ANK3: variants seen among roughly 807,000 people sequenced by gnomAD.
ANK3 encodes the protein ankyrin-3.
In ANK3, 57 loss-of-function variants were observed where a neutral mutation model predicts 370.9. The ratio of observed to expected loss-of-function variants is 0.15; its 90% CI spans 0.12 to 0.19. The LOEUF (loss-of-function observed/expected upper bound fraction) is 0.19, where lower values mean the gene tolerates loss of function less well. Among genes scored for constraint, ANK3 ranks in the 10% least tolerant of loss-of-function variants. The pLI is 1.00. For missense variants in ANK3, 4,439 were observed against 5,302.1 expected (o/e 0.84, Z 5.06); for synonymous variants, 1,929 against 1,946.3 (o/e 0.99, Z 0.23).
intron 17 of ANK3, 197 bp downstream of exon 17, chr10:60,186,518 T>C (rs918914947): frequency 1.3e-5 from 9 of 669,766 alleles, no homozygotes; most frequent in South Asian, 4.5e-5. Flanking sequence ...AACTGGCGCA[T>C]TGACCATTTT....
At chr10:60,105,608 C>G (rs2092057444) in intron 28 of ANK3, among the ~76,000 whole-genome samples, 1 of 152,254 alleles carries the variant, frequency 6.6e-6, no homozygotes, top group African/African-American at 2.4e-5. Flanking sequence ...TATTATTTCA[C>G]CCTCTTCTTG....
At chr10:60,519,560 T>C (rs568054639) in intron 2 of ANK3, among the ~76,000 whole-genome samples, 1 of 152,286 alleles carries the variant, frequency 6.6e-6, no homozygotes, top group African/African-American at 2.4e-5. Context: ...TCACTCTAAA[T>C]TCTGATAACC....
intron 2 of ANK3, among the ~76,000 whole-genome samples, chr10:60,497,252 C>T (rs922680368): frequency 9.2e-5 from 14 of 152,110 alleles, no homozygotes; most frequent in African/African-American, 3.4e-4. Flanking sequence ...CTGCAGTGAA[C>T]ACTTCAGCCT....
chr10:60,240,295 TATATA>T lies in ANK3; in HGVS notation c.799-5514_799-5510del, dbSNP rs1474439613. 7.7e-5 allele frequency among the ~76,000 whole-genome samples: 8 copies of T among 103,406 alleles called. No individual in the cohort carries two copies. In the East Asian group the frequency reaches 2.1e-3, roughly 27 times the overall value. 67.8% of individuals were successfully genotyped at this position (103,406 alleles called of 152,430 possible). A position where few individuals can be genotyped will look rare whatever the true frequency, so the allele number is the denominator to read the frequency against. On this transcript the variant is annotated intron_variant, in intron 7 of 43. Transcript: ENST00000280772. The stretch of plus-strand genomic sequence containing the variant: ...ATACACACACACATATATATATATA[TATATA>T]TATATATTTTTTTTTCTTTTTGAGA...
intron 1 of ANK3, among the ~76,000 whole-genome samples, chr10:60,687,557 CACA>C (rs1195935030): frequency 2.7e-5 from 4 of 150,378 alleles, no homozygotes; most frequent in South Asian, 4.2e-4. Flanking sequence ...CACACACATG[CACA>C]ACAAGCATTG....
chr10:60,272,471 G>C (rs944343258), intron 4 of ANK3, among the ~76,000 whole-genome samples: 2 of 97,324 alleles, frequency 2.1e-5, no homozygotes, highest in East Asian at 2.9e-4. Context: ...TGTTGTTGTT[G>C]TTGTTCTTGT....
intron 2 of ANK3, among the ~76,000 whole-genome samples, chr10:60,492,379 T>C (rs75017287): frequency 0.12 from 18,737 of 151,934 alleles, 1,303 homozygotes; most frequent in African/African-American, 0.18. Flanking sequence ...GACATAAAAG[T>C]AAATGAAACA....
upstream of ANK3, among the ~76,000 whole-genome samples, chr10:60,391,277 T>C (rs1286743485): frequency 6.6e-6 from 1 of 152,178 alleles, no homozygotes; most frequent in Non-Finnish European, 1.5e-5. Flanking sequence ...ATGCTTGACT[T>C]CCACACAAAC....
chr10:60,172,276 T>C, intron 21 of ANK3, 32 bp downstream of exon 21: 1 of 1,571,468 alleles, frequency 6.4e-7, no homozygotes, highest in Non-Finnish European at 8.7e-7. Flanking sequence ...AGCTGGCTCC[T>C]AGGGTAACAA....
At chr10:60,065,480 A>G (rs1171887021) in intron 38 of ANK3, among the ~76,000 whole-genome samples, 1 of 152,204 alleles carries the variant, frequency 6.6e-6, no homozygotes, top group Admixed American at 6.5e-5. Context: ...TGCAAAATGC[A>G]TTCAGAGGCT....
chr10:60,677,114 AGG>A (rs2079135548), intron 1 of ANK3, among the ~76,000 whole-genome samples: 1 of 152,188 alleles, frequency 6.6e-6, no homozygotes, highest in Non-Finnish European at 1.5e-5. Context: ...CCCAGAGCAG[AGG>A]GTGGCCAAGA....
At chr10:60,711,278 A>C (rs2079701568) in intron 1 of ANK3, among the ~76,000 whole-genome samples, 1 of 152,194 alleles carries the variant, frequency 6.6e-6, no homozygotes, top group Non-Finnish European at 1.5e-5. Context: ...CCATGATTGG[A>C]TTATTACACA....
chr10:60,444,269 C>T (rs1056491721), intron 2 of ANK3, among the ~76,000 whole-genome samples: 3 of 151,838 alleles, frequency 2.0e-5, no homozygotes, highest in Non-Finnish European at 4.4e-5. Flanking sequence ...CTGAATAATT[C>T]TGAGGTTAAA....
intron 1 of ANK3, among the ~76,000 whole-genome samples, chr10:60,639,428 T>A (rs1173632092): frequency 6.6e-6 from 1 of 151,268 alleles, no homozygotes; most frequent in Non-Finnish European, 1.5e-5. Flanking sequence ...GCAGCAAATA[T>A]AAGAAGTAAT....
chr10:60,112,750 G>T (rs1276996684), intron 26 of ANK3, among the ~76,000 whole-genome samples: 1 of 152,076 alleles, frequency 6.6e-6, no homozygotes, highest in Non-Finnish European at 1.5e-5. Flanking sequence ...ACAATGCCAG[G>T]TACACGACAA....
chr10:60,288,649 G>A (rs959625216), intron 1 of ANK3, among the ~76,000 whole-genome samples: 1 of 152,114 alleles, frequency 6.6e-6, no homozygotes. Context: ...CTGGGACGGG[G>A]GAGTAGGCGA....
At chr10:60,521,072 T>C (rs2076335760) in intron 2 of ANK3, among the ~76,000 whole-genome samples, 2 of 152,096 alleles carry the variant, frequency 1.3e-5, no homozygotes, top group Non-Finnish European at 2.9e-5. Context: ...TCAAGTGTTA[T>C]CTATTTTGTC....
intron 25 of ANK3, among the ~76,000 whole-genome samples, chr10:60,124,877 C>A (rs1464114816): frequency 1.3e-5 from 2 of 152,158 alleles, no homozygotes; most frequent in Admixed American, 6.5e-5. Flanking sequence ...AAGTGGTAAT[C>A]ATAATACCCC....
At chr10:60,584,074 C>T (rs1033394101) in intron 2 of ANK3, among the ~76,000 whole-genome samples, 1 of 152,124 alleles carries the variant, frequency 6.6e-6, no homozygotes, top group Non-Finnish European at 1.5e-5. Context: ...TAAACCTTCC[C>T]TTTCCTTAAC....
Sources: allele counts gnomAD v4.1 joint callset (sites outside exome capture counted in the v4.1 genomes callset), GRCh38; gene constraint gnomAD v4.1.1; transcripts MANE v1.5; gene names NCBI Gene and HGNC (gene_info 2026-07-23, HGNC 2026-07-21).